KIAA1217: variants seen among roughly 807,000 people sequenced by gnomAD.
The protein encoded by KIAA1217 is KIAA1217, also known as sickle tail protein homolog.
KIAA1217 carries 88 observed loss-of-function variants against 163.9 expected under a neutral mutation model. The ratio of observed to expected loss-of-function variants is 0.54; its 90% CI spans 0.45 to 0.64. KIAA1217 has a LOEUF of 0.64. Among genes scored for constraint, KIAA1217 ranks in the 30% least tolerant of loss-of-function variants. KIAA1217 has a pLI of 0.00. For missense variants in KIAA1217, 2,372 were observed against 2,475.0 expected, an observed-to-expected ratio of 0.96 and a Z score of 0.88; for synonymous variants, 903 against 923.1, an observed-to-expected ratio of 0.98 and a Z score of 0.39.
At chr10:23,850,810 A>G (rs1183363932) in intron 1 of KIAA1217, among the ~76,000 whole-genome samples, 3 of 152,038 alleles carry the variant, frequency 2.0e-5, no homozygotes, top group African/African-American at 7.2e-5. Context: ...GAAACTCACA[A>G]TCATGGTAGA....
chr10:24,208,936 AGGAC>A (rs548289537), upstream of KIAA1217: 527 of 330,370 alleles, frequency 1.6e-3, no homozygotes, highest in South Asian at 3.3e-3. Flanking sequence ...AGCGCGCCTG[AGGAC>A]GGACGGACGG....
intron 2 of KIAA1217, among the ~76,000 whole-genome samples, chr10:24,045,865 G>T (rs1201926868): frequency 6.6e-6 from 1 of 152,000 alleles, no homozygotes; most frequent in African/African-American, 2.4e-5. Context: ...GAAGAGCCTG[G>T]CAATCAATAA....
chr10:24,142,645 A>G (rs931577900), intron 2 of KIAA1217, among the ~76,000 whole-genome samples: 13 of 152,216 alleles, frequency 8.5e-5, no homozygotes, highest in African/African-American at 3.1e-4. Context: ...ATAAAAATAG[A>G]AGATGCTGGG....
intron 2 of KIAA1217, among the ~76,000 whole-genome samples, chr10:24,118,351 G>C (rs1470175558): frequency 6.6e-6 from 1 of 152,160 alleles, no homozygotes; most frequent in African/African-American, 2.4e-5. Context: ...GTTCTCTGTA[G>C]CGCAGAGACA....
At chr10:23,807,169 C>T (rs1836783069) in intron 1 of KIAA1217, among the ~76,000 whole-genome samples, 1 of 152,250 alleles carries the variant, frequency 6.6e-6, no homozygotes, top group East Asian at 1.9e-4. Context: ...GCTGTGTTAG[C>T]TGCTCCTGTC....
intron 2 of KIAA1217, among the ~76,000 whole-genome samples, chr10:24,295,340 T>C (rs995677107): frequency 9.2e-5 from 14 of 152,350 alleles, no homozygotes; most frequent in Admixed American, 7.8e-4. Context: ...GAGGAAAAGA[T>C]GGATCATTAT....
intron 9 of KIAA1217, 103 bp from the exon 10 acceptor site, chr10:24,513,156 C>T (rs996976297): frequency 4.8e-5 from 48 of 1,003,562 alleles, no homozygotes; most frequent in Non-Finnish European, 6.5e-5. Context: ...AAGATTCAGC[C>T]GCAGGGCTGT....
At chr10:24,363,980 CTT>C (rs11413263) in intron 2 of KIAA1217, among the ~76,000 whole-genome samples, 12 of 144,604 alleles carry the variant, frequency 8.3e-5, no homozygotes, top group Non-Finnish European at 1.2e-4. Flanking sequence ...GTCTCATCCA[CTT>C]TTTTTTTTTT....
chr10:24,158,253 C>G, intron 2 of KIAA1217: 1 of 722,384 alleles, frequency 1.4e-6, no homozygotes, highest in South Asian at 1.4e-5. Flanking sequence ...CAGCAAATGT[C>G]GGTCAGTCAT....
Position 24,005,248 on chromosome 10 carries a change from T to C in KIAA1217, c.-320-1977T>C, listed in dbSNP as rs545467006. 3.9e-5 allele frequency among the ~76,000 whole-genome samples: 6 copies of C among 152,308 alleles called. No individual in the cohort carries two copies. In the South Asian group the frequency reaches 8.3e-4, roughly 21 times the overall value. On this transcript the variant is annotated intron_variant, in intron 1 of 18. Transcript: ENST00000376462. ...CTGTCCTGAGGATAACATGAGATAA[T>C]GTATGGGGAACAATGCTTGGCACTC...
At chr10:24,469,612 T>C (rs536471557) in intron 5 of KIAA1217, among the ~76,000 whole-genome samples, 1 of 152,144 alleles carries the variant, frequency 6.6e-6, no homozygotes, top group African/African-American at 2.4e-5. Flanking sequence ...AGATATTATA[T>C]TGATTGATTG....
intron 2 of KIAA1217, among the ~76,000 whole-genome samples, chr10:24,221,378 G>T (rs375875468): frequency 1.9e-4 from 29 of 152,074 alleles, no homozygotes; most frequent in African/African-American, 6.5e-4. Context: ...GTGGGAAGGA[G>T]GGCAGGATGA....
chr10:23,993,553 C>CTTTTTGTTTTTTTTTTTTT (rs1846318991), intron 1 of KIAA1217, among the ~76,000 whole-genome samples: 1 of 68,956 alleles, frequency 1.5e-5, no homozygotes, highest in African/African-American at 8.4e-5. Context: ...CATAGCCCAG[C>CTTTTTGTTTTTTTTTTTTT]TTTTTTTTTT....
At chr10:23,921,242 A>G (rs1842838613) in intron 1 of KIAA1217, among the ~76,000 whole-genome samples, 1 of 152,204 alleles carries the variant, frequency 6.6e-6, no homozygotes, top group Admixed American at 6.5e-5. Flanking sequence ...TATACCCAAT[A>G]GAAAATGAAT....
chr10:23,772,440 A>C (rs1834838769), intron 1 of KIAA1217, among the ~76,000 whole-genome samples: 1 of 152,206 alleles, frequency 6.6e-6, no homozygotes, highest in Non-Finnish European at 1.5e-5. Context: ...TAATAAAGAA[A>C]TGCAGGAGGA....
intron 1 of KIAA1217, among the ~76,000 whole-genome samples, chr10:23,906,506 TTC>T (rs1338337793): frequency 6.6e-6 from 1 of 152,166 alleles, no homozygotes; most frequent in East Asian, 1.9e-4. Flanking sequence ...AAATTTTTAT[TTC>T]TGTTTGTGCA....
chr10:24,430,786 G>A (rs1294671738), intron 3 of KIAA1217, among the ~76,000 whole-genome samples: 1 of 152,230 alleles, frequency 6.6e-6, no homozygotes, highest in African/African-American at 2.4e-5. Flanking sequence ...AGCTCAGACA[G>A]TGATTCGAGC....
chr10:24,154,159 G>T (rs1186982740), intron 2 of KIAA1217, among the ~76,000 whole-genome samples: 4 of 151,568 alleles, frequency 2.6e-5, no homozygotes, highest in African/African-American at 7.3e-5. Context: ...GGGTTTCACC[G>T]TTTTAGCCGG....
At chr10:24,163,630 C>T (rs1449860638) in intron 2 of KIAA1217, among the ~76,000 whole-genome samples, 1 of 152,212 alleles carries the variant, frequency 6.6e-6, no homozygotes, top group Non-Finnish European at 1.5e-5. Context: ...CTGTTATTTG[C>T]ATGATGCTTT....
Sources: gnomAD v4.1 joint callset for allele counts (sites outside exome capture counted in the v4.1 genomes callset) on GRCh38, gnomAD v4.1.1 for gene constraint, MANE v1.5 for transcripts, NCBI Gene and HGNC (gene_info 2026-07-23, HGNC 2026-07-21) for gene names.